Variants in MLLT3 observed in about 807,000 individuals in gnomAD.
MLLT3 encodes protein AF-9.
Under a neutral mutation model 53.2 loss-of-function variants are expected in MLLT3, and 4 were observed. The ratio of observed to expected loss-of-function variants is 0.08; its 90% CI spans 0.04 to 0.17. The LOEUF is 0.17. Among genes scored for constraint, MLLT3 ranks in the 10% least tolerant of loss-of-function variants. The pLI, the probability that MLLT3 is intolerant of heterozygous loss-of-function variation, is 1.00. For missense variants in MLLT3, 569 were observed against 684.0 expected, an observed-to-expected ratio of 0.83 and a Z score of 1.87; for synonymous variants, 283 against 230.6, an observed-to-expected ratio of 1.23 and a Z score of -2.06.
intron 3 of MLLT3, among the ~76,000 whole-genome samples, chr9:20,453,231 A>C (rs951505835): frequency 2.0e-5 from 3 of 152,184 alleles, no homozygotes; most frequent in Non-Finnish European, 4.4e-5. Flanking sequence ...GAGATTAAAC[A>C]GATAACACTT....
At chr9:20,479,949 T>C (rs186730461) in intron 2 of MLLT3, among the ~76,000 whole-genome samples, 10 of 152,336 alleles carry the variant, frequency 6.6e-5, no homozygotes, top group African/African-American at 2.4e-4. Flanking sequence ...CTAATGTCCA[T>C]GCTCTGAACC....
At chr9:20,478,547 A>T (rs1377258294) in intron 2 of MLLT3, among the ~76,000 whole-genome samples, 1 of 152,186 alleles carries the variant, frequency 6.6e-6, no homozygotes, top group Non-Finnish European at 1.5e-5. Context: ...TCGTAGTCTT[A>T]TAAAGCCCTA....
At chr9:20,370,900 G>C (rs921630519) in intron 5 of MLLT3, among the ~76,000 whole-genome samples, 24 of 152,258 alleles carry the variant, frequency 1.6e-4, no homozygotes, top group African/African-American at 5.8e-4. Context: ...TAGGCCTCTT[G>C]CACCAAATAT....
At position 20,414,282 on chromosome 9, in the gene MLLT3, G is replaced by C. The variant is rs1822807805; in HGVS notation, c.564C>G (p.Ser188Arg). Residue 188 changes from serine (S) to arginine (R), a missense_variant, in exon 5 of 11, where the codon AGC becomes AGG. Ser to Arg is a moderately radical substitution (Grantham distance 110). This residue lies in a region of MLLT3 where 437 missense variants were observed against 376.5 expected (regional missense o/e 1.16). Transcript: ENST00000380338. ...SSSSSSSSSS[S>R]SSTSFSKPHK... ...GAGGCTTTGAAAAACTGGTACTACT[G>C]CTGCTGCTGCTGCTGCTACTGCTGC... The C allele has an allele frequency of 6.3e-7, 1 of 1,595,070 alleles. No homozygotes were observed. Among genetic ancestry groups the C allele is most frequent in the African/African-American group, 1.3e-5 (1 of 74,308 alleles).
At chr9:20,581,668 G>A (rs982299642) in intron 2 of MLLT3, among the ~76,000 whole-genome samples, 2 of 152,174 alleles carry the variant, frequency 1.3e-5, no homozygotes, top group East Asian at 1.9e-4. Context: ...TCCATCCACA[G>A]TTGATGAAGC....
chr9:20,363,364 AC>A, intron 7 of MLLT3, 111 bp downstream of exon 7: 1 of 1,259,832 alleles, frequency 7.9e-7, no homozygotes, highest in Non-Finnish European at 1.1e-6. Flanking sequence ...AATGAATGTG[AC>A]CATCTACTGC....
intron 4 of MLLT3, among the ~76,000 whole-genome samples, chr9:20,432,280 T>G (rs1412382378): frequency 6.6e-6 from 1 of 152,178 alleles, no homozygotes; most frequent in African/African-American, 2.4e-5. Flanking sequence ...TTGAATAATT[T>G]TATAATATTA....
intron 2 of MLLT3, among the ~76,000 whole-genome samples, chr9:20,464,946 T>C (rs2118876945): frequency 6.6e-6 from 1 of 152,254 alleles, no homozygotes; most frequent in Middle Eastern, 3.4e-3. Context: ...TAAATTCTCC[T>C]AAAGCTATAA....
At chr9:20,544,696 T>C (rs1036739771) in intron 2 of MLLT3, among the ~76,000 whole-genome samples, 2 of 152,200 alleles carry the variant, frequency 1.3e-5, no homozygotes, top group African/African-American at 4.8e-5. Flanking sequence ...AAATTAAAAC[T>C]AGAATTACCA....
At chr9:20,529,894 A>G (rs1438704446) in intron 2 of MLLT3, among the ~76,000 whole-genome samples, 3 of 152,100 alleles carry the variant, frequency 2.0e-5, no homozygotes, top group Admixed American at 1.3e-4. Flanking sequence ...CAGGCCAGTT[A>G]CACAAACTGA....
chr9:20,415,086 T>A (rs898747579), intron 4 of MLLT3, among the ~76,000 whole-genome samples: 1 of 152,112 alleles, frequency 6.6e-6, no homozygotes, highest in Admixed American at 6.5e-5. Context: ...AAATTTCAAA[T>A]GGCTTTGCAA....
chr9:20,586,053 C>T (rs955819743), intron 2 of MLLT3, among the ~76,000 whole-genome samples: 9 of 152,112 alleles, frequency 5.9e-5, no homozygotes, highest in African/African-American at 2.2e-4. Context: ...AACAATCACT[C>T]ACATCTGTAA....
intron 2 of MLLT3, among the ~76,000 whole-genome samples, chr9:20,562,613 G>A (rs1270628698): frequency 5.3e-5 from 8 of 152,146 alleles, no homozygotes; most frequent in Non-Finnish European, 1.2e-4. Flanking sequence ...AAAAAAAGGA[G>A]TAAATATGTT....
intron 2 of MLLT3, among the ~76,000 whole-genome samples, chr9:20,564,269 A>C (rs1819291537): frequency 6.6e-6 from 1 of 152,104 alleles, no homozygotes; most frequent in Admixed American, 6.6e-5. Flanking sequence ...CCATCATATC[A>C]ATCAGAAGCA....
chr9:20,361,714 A>G lies in MLLT3; in HGVS notation c.1332-873T>C, dbSNP rs567292440. Among the ~76,000 whole-genome samples the G allele has an allele frequency of 7.9e-5, 12 of 152,294 alleles. No individual in the cohort carries two copies. In the South Asian group the frequency reaches 1.5e-3, roughly 18 times the overall value. On this transcript the variant is annotated intron_variant, in intron 7 of 10. Coordinates refer to ENST00000380338, the MANE Select transcript of MLLT3 (RefSeq NM_004529.4). ...AAGAAAATGGAATTTTCTTTTATCC[A>G]CAATAGGAGAGATTTATTTATTCTA... is the stretch of plus-strand genomic sequence containing the variant.
intron 2 of MLLT3, among the ~76,000 whole-genome samples, chr9:20,584,471 TAAAG>T (rs965701842): frequency 2.0e-5 from 3 of 152,130 alleles, no homozygotes; most frequent in African/African-American, 7.2e-5. Flanking sequence ...ACACTGTTGA[TAAAG>T]ACATACCCAT....
intron 2 of MLLT3, among the ~76,000 whole-genome samples, chr9:20,555,654 G>A (rs1819039796): frequency 6.6e-6 from 1 of 151,914 alleles, no homozygotes; most frequent in Admixed American, 6.6e-5. Flanking sequence ...TTTCCTAACT[G>A]CCTCTCACTT....
intron 2 of MLLT3, among the ~76,000 whole-genome samples, chr9:20,469,177 A>C (rs879002740): frequency 6.6e-6 from 1 of 152,194 alleles, no homozygotes; most frequent in Non-Finnish European, 1.5e-5. Context: ...TGTATAAATC[A>C]AACCAGCAAT....
At chr9:20,516,686 C>A (rs886467390) in intron 2 of MLLT3, among the ~76,000 whole-genome samples, 1 of 152,152 alleles carries the variant, frequency 6.6e-6, no homozygotes, top group Non-Finnish European at 1.5e-5. Context: ...GAATCTGAGC[C>A]TCTCCTAACA....
Sources: allele counts gnomAD v4.1 joint callset (sites outside exome capture counted in the v4.1 genomes callset), GRCh38; gene constraint gnomAD v4.1.1; regional missense constraint gnomAD v4.1.1; transcripts MANE v1.5; gene names NCBI Gene and HGNC (gene_info 2026-07-23, HGNC 2026-07-21).